ZNF664: variants seen among roughly 807,000 people sequenced by gnomAD.
The protein encoded by ZNF664 is zinc finger protein 664.
ZNF664 carries 10 observed loss-of-function variants against 18.2 expected under a neutral mutation model. That is an observed-to-expected ratio of 0.55 (90% CI 0.34 to 0.93). The LOEUF is 0.93. Among genes scored for constraint, ZNF664 ranks in the 40% least tolerant of loss-of-function variants. ZNF664 has a pLI of 0.02. For missense variants in ZNF664, 193 were observed against 319.0 expected (o/e 0.61, Z 3.01); for synonymous variants, 119 against 104.2 (o/e 1.14, Z -0.86).
In ZNF664 at chr12:124,011,808, A is replaced by C. The variant is rs189757125; in HGVS notation, c.-337A>C. 12,049 of 1,120,892 alleles carry C rather than the reference A, an allele frequency of 0.011. 71 individuals are homozygous for C. Among genetic ancestry groups the C allele is most frequent in the South Asian group, 0.012 (429 of 34,840 alleles). 69.4% of individuals were successfully genotyped at this position (1,120,892 alleles called of 1,614,324 possible). ...TACAAGAGGAAGATTCCAGGGGCTC[A>C]AAAACGCAAAGGTTTGCACTTTGAG... On this transcript the variant is annotated 5_prime_UTR_variant, in exon 5 of 5. Coordinates refer to ENST00000337815, the MANE Select transcript of ZNF664 (RefSeq NM_152437.3).
At chr12:123,998,454 C>CG (rs1956975086) in intron 3 of ZNF664, 1 of 152,350 alleles carries the variant, frequency 6.6e-6, no homozygotes, top group Non-Finnish European at 1.5e-5. Context: ...GCTGAGAGGC[C>CG]CCACTGTATG....
At chr12:124,011,471 A>G in intron 4 of ZNF664, 30 bp downstream of exon 4, 1 of 807,284 alleles carries the variant, frequency 1.2e-6, no homozygotes, top group Non-Finnish European at 1.5e-6. Context: ...CATTTATATA[A>G]AATTAATTTT....
chr12:124,001,257 C>T (rs763065058), intron 3 of ZNF664, among the ~76,000 whole-genome samples: 21 of 152,192 alleles, frequency 1.4e-4, no homozygotes, highest in Non-Finnish European at 2.6e-4. Flanking sequence ...TGATCCCCTA[C>T]CATGTTTACC....
chr12:123,980,492 T>A (rs1956751065), intron 2 of ZNF664, among the ~76,000 whole-genome samples: 1 of 152,212 alleles, frequency 6.6e-6, no homozygotes, highest in Non-Finnish European at 1.5e-5. Context: ...GAGAAAAGCT[T>A]TCTGCACAAA....
chr12:124,011,858 A>C lies in ZNF664; in HGVS notation c.-287A>C. On this transcript the variant is annotated 5_prime_UTR_variant, in exon 5 of 5. Coordinates refer to ENST00000337815, the MANE Select transcript of ZNF664 (RefSeq NM_152437.3). ...GAGCCCCTTGGAATGTTGACAACTCAGGATCTAAAACAAAGTTCTGTGTTA... is the reference window on the plus strand; with the variant it reads ...GAGCCCCTTGGAATGTTGACAACTCCGGATCTAAAACAAAGTTCTGTGTTA... 8.2e-7 allele frequency: 1 copy of C among 1,214,640 alleles called. No individual in the cohort carries two copies. The highest frequency in any genetic ancestry group is 1.6e-5 in the African/African-American group (1 of 63,456). 75.2% of individuals were successfully genotyped at this position (1,214,640 alleles called of 1,614,324 possible).
intron 2 of ZNF664, among the ~76,000 whole-genome samples, chr12:123,986,142 G>T (rs1002522423): frequency 6.6e-6 from 1 of 152,120 alleles, no homozygotes; most frequent in Non-Finnish European, 1.5e-5. Flanking sequence ...GGCTTGCCCA[G>T]AATCTGTTTG....
intron 2 of ZNF664, chr12:123,974,247 C>A: frequency 2.6e-6 from 1 of 392,064 alleles, no homozygotes; most frequent in East Asian, 3.6e-5. Context: ...CGAACTCTAA[C>A]AACTAAATCT....
rs573660031 is a variant in ZNF664, at chr12:124,012,666, T to C, written c.522T>C (p.Tyr174=). ...CAGGAGAGAAACCCTATAAATGTTATGAGTGTGGGAAGGCGTTCAGTCAGA... is the reference window on the plus strand; with the variant it reads ...CAGGAGAGAAACCCTATAAATGTTACGAGTGTGGGAAGGCGTTCAGTCAGA... ...VHTGEKPYKC[Y]ECGKAFSQSS... The change falls in exon 5 of 5, where the codon TAT becomes TAC. Residue 174 remains tyrosine (Y), a synonymous_variant. Coordinates refer to ENST00000337815, the MANE Select transcript of ZNF664 (RefSeq NM_152437.3). 1.9e-5 allele frequency: 30 copies of C among 1,614,098 alleles called. No homozygotes were observed. The South Asian group carries it at 2.2e-4, about 12-fold the overall frequency.
intron 3 of ZNF664, among the ~76,000 whole-genome samples, chr12:124,001,308 A>T (rs1367872373): frequency 6.6e-6 from 1 of 152,122 alleles, no homozygotes; most frequent in Non-Finnish European, 1.5e-5. Flanking sequence ...TAATTTCTGT[A>T]CTTTAGCTAC....
At position 124,013,970 on chromosome 12, in the gene ZNF664, A is replaced by G. The variant is rs1957162958; in HGVS notation, c.*1040A>G. On this transcript the variant is annotated 3_prime_UTR_variant, in exon 5 of 5. Transcript: ENST00000337815. ...TAATCCATCATTCTTTTCTTCATTC[A>G]ACAAATATGTATTGAACACCTCCTA... 6.0e-6 allele frequency: 1 copy of G among 167,090 alleles called. No homozygotes were observed. The highest frequency in any genetic ancestry group is 1.5e-5 in the Non-Finnish European group (1 of 68,146). The allele number at this position is 167,090 out of a possible 1,614,324, so 10.4% of individuals were successfully genotyped here. A position where few individuals can be genotyped will look rare whatever the true frequency, so the allele number is the denominator to read the frequency against.
chr12:124,002,968 A>C (rs191311048), intron 3 of ZNF664, among the ~76,000 whole-genome samples: 2 of 152,268 alleles, frequency 1.3e-5, no homozygotes. Context: ...AGTAAAAGGA[A>C]CAAGGAGTGG....
intron 3 of ZNF664, chr12:123,998,285 G>A (rs1159516900): frequency 6.6e-6 from 1 of 152,174 alleles, no homozygotes; most frequent in African/African-American, 2.4e-5. Flanking sequence ...CTAAAAGATA[G>A]AGTCCTGAGC....
At chr12:123,995,332 A>G (rs974148691) in intron 3 of ZNF664, among the ~76,000 whole-genome samples, 1 of 152,250 alleles carries the variant, frequency 6.6e-6, no homozygotes, top group African/African-American at 2.4e-5. Context: ...CTCTGAGTCA[A>G]TGCTTCACAG....
chr12:124,012,567 G>A lies in ZNF664; in HGVS notation c.423G>A (p.Lys141=), dbSNP rs777254529. 4 of 1,613,492 alleles carry A rather than the reference G, an allele frequency of 2.5e-6. No homozygotes were observed. Among genetic ancestry groups the A allele is most frequent in the African/African-American group, 1.3e-5 (1 of 74,828 alleles). Residue 141 remains lysine (K), a synonymous_variant, in exon 5 of 5, where the codon AAG becomes AAA. Coordinates refer to ENST00000337815, the MANE Select transcript of ZNF664 (RefSeq NM_152437.3). ...CMHQRVHTGE[K]PFKCEECGKA... ...ATCAGAGAGTCCACACCGGAGAGAA[G>A]CCCTTTAAATGTGAAGAGTGTGGGA...
chr12:123,982,593 A>G (rs1339851029), intron 2 of ZNF664, among the ~76,000 whole-genome samples: 10 of 152,148 alleles, frequency 6.6e-5, no homozygotes, highest in African/African-American at 2.4e-4. Flanking sequence ...CAAATTCTCT[A>G]GAAGGACAAT....
At chr12:123,992,631 C>T (rs1956901739) in intron 3 of ZNF664, among the ~76,000 whole-genome samples, 1 of 152,176 alleles carries the variant, frequency 6.6e-6, no homozygotes, top group Non-Finnish European at 1.5e-5. Flanking sequence ...GTTTGGATTC[C>T]TGTCAGGGCG....
intron 3 of ZNF664, among the ~76,000 whole-genome samples, chr12:123,991,086 A>G (rs950636917): frequency 2.6e-5 from 4 of 152,216 alleles, no homozygotes; most frequent in Non-Finnish European, 1.5e-5. Flanking sequence ...TTGGGCTGCA[A>G]GTCCAGTGTT....
chr12:124,001,637 G>C (rs1455078270), intron 3 of ZNF664, among the ~76,000 whole-genome samples: 1 of 152,214 alleles, frequency 6.6e-6, no homozygotes, highest in African/African-American at 2.4e-5. Context: ...GACCAGGTCA[G>C]CCTCACTTCC....
At chr12:123,977,076 T>A (rs909042546) in intron 2 of ZNF664, among the ~76,000 whole-genome samples, 6 of 152,108 alleles carry the variant, frequency 3.9e-5, no homozygotes, top group African/African-American at 1.4e-4. Flanking sequence ...GGAGACTGTC[T>A]CACAAAACAA....
Sources: allele counts gnomAD v4.1 joint callset (sites outside exome capture counted in the v4.1 genomes callset), GRCh38; gene constraint gnomAD v4.1.1; transcripts MANE v1.5; gene names NCBI Gene and HGNC (gene_info 2026-07-23, HGNC 2026-07-21).